SNX31: variants seen among roughly 807,000 people sequenced by gnomAD.
SNX31 encodes sorting nexin-31.
SNX31 carries 58 observed loss-of-function variants against 65.4 expected under a neutral mutation model. The ratio of observed to expected loss-of-function variants is 0.89; its 90% confidence interval spans 0.72 to 1.10. The LOEUF is 1.10. SNX31 is among the 50% of genes least tolerant of loss of function. The pLI is 0.00. For synonymous variants in SNX31, 181 were observed against 190.1 expected (o/e 0.95, Z 0.39); for missense variants, 523 against 529.7 (o/e 0.99, Z 0.12).
intron 8 of SNX31, among the ~76,000 whole-genome samples, chr8:100,603,509 C>T (rs1287454273): frequency 6.6e-6 from 1 of 151,142 alleles, no homozygotes; most frequent in African/African-American, 2.4e-5. Flanking sequence ...AATCTCGGCT[C>T]ACTGCAACCT....
chr8:100,647,674 T>G (rs1819730336), intron 2 of SNX31, among the ~76,000 whole-genome samples: 1 of 152,152 alleles, frequency 6.6e-6, no homozygotes, highest in African/African-American at 2.4e-5. Context: ...ATGAGAAAAT[T>G]GAAGATCAGA....
chr8:100,611,040 T>A (rs1007766086), intron 7 of SNX31, among the ~76,000 whole-genome samples: 1 of 152,190 alleles, frequency 6.6e-6, no homozygotes, highest in African/African-American at 2.4e-5. Context: ...TAATATTTTG[T>A]TCTCCACAGG....
At chr8:100,606,567 C>A (rs1226084101) in intron 8 of SNX31, among the ~76,000 whole-genome samples, 1 of 152,292 alleles carries the variant, frequency 6.6e-6, no homozygotes, top group East Asian at 1.9e-4. Flanking sequence ...ACAAAATCCA[C>A]CCATTGACCT....
intron 12 of SNX31, among the ~76,000 whole-genome samples, chr8:100,581,518 A>G (rs957200268): frequency 9.9e-5 from 15 of 151,920 alleles, no homozygotes; most frequent in African/African-American, 3.6e-4. Flanking sequence ...TTAACAATAC[A>G]TTTCTTTTTT....
chr8:100,581,329 C>CTATATCTA (rs1491502174), intron 12 of SNX31, among the ~76,000 whole-genome samples: 13 of 80,156 alleles, frequency 1.6e-4, no homozygotes, highest in African/African-American at 5.9e-4. Context: ...CTATATCTAT[C>CTATATCTA]TATCTATCTA....
chr8:100,624,956 TA>T (rs1426652103), intron 4 of SNX31, among the ~76,000 whole-genome samples: 4 of 151,946 alleles, frequency 2.6e-5, no homozygotes, highest in African/African-American at 9.7e-5. Context: ...CACGTGCCAC[TA>T]CCCCCATCTA....
intron 2 of SNX31, among the ~76,000 whole-genome samples, chr8:100,637,540 T>C (rs1188425111): frequency 6.6e-6 from 1 of 152,198 alleles, no homozygotes. Flanking sequence ...AAGAATCTCA[T>C]GACTTCTCTC....
intron 2 of SNX31, 65 bp from the exon 3 acceptor site, chr8:100,636,076 A>G (rs1818753881): frequency 8.1e-7 from 1 of 1,230,836 alleles, no homozygotes; most frequent in Non-Finnish European, 1.2e-6. Flanking sequence ...TGAGATTACT[A>G]AAGTCTCCTT....
At chr8:100,655,062 A>C (rs1213636305) in intron 1 of SNX31, among the ~76,000 whole-genome samples, 1 of 152,152 alleles carries the variant, frequency 6.6e-6, no homozygotes, top group Admixed American at 6.5e-5. Context: ...GCCAGTTACA[A>C]CAACCTTACT....
Position 100,614,652 on chromosome 8 carries a change from A to C in SNX31, c.433-1567T>G, listed in dbSNP as rs1286882116. On this transcript the variant is annotated intron_variant, in intron 5 of 13. Transcript: ENST00000311812. The surrounding 1 kb of genome is among the most constrained non-coding windows in gnomAD (Gnocchi z 5.1). ...CACTTTGGAAGGCTGAGGCGGGTTG[A>C]TCACCTAAGGTCAGGAGTTCAAAAC... Among the ~76,000 whole-genome samples, 1 of 152,100 alleles carries C rather than the reference A, an allele frequency of 6.6e-6. No individual in the cohort carries two copies. Among genetic ancestry groups the C allele is most frequent in the Non-Finnish European group, 1.5e-5 (1 of 68,010 alleles).
At chr8:100,639,171 G>A (rs1349811093) in intron 2 of SNX31, among the ~76,000 whole-genome samples, 4 of 152,176 alleles carry the variant, frequency 2.6e-5, no homozygotes, top group South Asian at 2.1e-4. Context: ...AGAACTTGAT[G>A]TTTTCTGAAC....
intron 1 of SNX31, chr8:100,657,611 T>C: frequency 2.2e-6 from 1 of 452,982 alleles, no homozygotes; most frequent in Non-Finnish European, 4.4e-6. Context: ...TGTGCTTGGA[T>C]GTGTGGGAAG....
In SNX31 at chr8:100,626,202, T is replaced by C. The variant is rs1238297405; in HGVS notation, c.321+4125A>G. On this transcript the variant is annotated intron_variant, in intron 4 of 13. Coordinates refer to ENST00000311812, the MANE Select transcript of SNX31 (RefSeq NM_152628.4). This position sits in a 1 kb window ranked among gnomAD's most constrained non-coding sequence, Gnocchi z 4.4. ...TATCTATTAACATTGTGCCGGATGA[T>C]ATGCTTTAAGGGTATCAGTTAATTT... Among the ~76,000 whole-genome samples, 2 of 152,148 alleles carry C rather than the reference T, an allele frequency of 1.3e-5. No individual in the cohort carries two copies. The highest frequency in any genetic ancestry group is 2.9e-5 in the Non-Finnish European group (2 of 68,010).
chr8:100,636,256 G>A (rs1563575190), intron 2 of SNX31, among the ~76,000 whole-genome samples: 2 of 152,208 alleles, frequency 1.3e-5, no homozygotes, highest in African/African-American at 4.8e-5. Flanking sequence ...GTTTGGTAGA[G>A]CTGAGATGTA....
At chr8:100,602,322 T>C (rs539482852) in intron 8 of SNX31, among the ~76,000 whole-genome samples, 25 of 152,118 alleles carry the variant, frequency 1.6e-4, no homozygotes, top group Non-Finnish European at 2.4e-4. Flanking sequence ...GAAAAGGACA[T>C]GGGATTTAGA....
In SNX31 at chr8:100,612,191, A is replaced by G; in HGVS notation, c.524-104T>C. The G allele has an allele frequency of 1.4e-6, 1 of 697,074 alleles. No individual in the cohort carries two copies. Among genetic ancestry groups the G allele is most frequent in the South Asian group, 1.9e-5 (1 of 53,814 alleles). 43.2% of individuals were successfully genotyped at this position (697,074 alleles called of 1,614,324 possible). A position where few individuals can be genotyped will look rare whatever the true frequency, so the allele number is the denominator to read the frequency against. ...TAAAACCTTATTATTGGAAATAATA[A>G]AATCACAGTAAGAATATCCTCTGTA... On this transcript the variant is annotated intron_variant, in intron 6 of 13. Coordinates refer to ENST00000311812, the MANE Select transcript of SNX31 (RefSeq NM_152628.4). This position sits in a 1 kb window ranked among gnomAD's most constrained non-coding sequence, Gnocchi z 4.3.
In SNX31 at chr8:100,573,808, G is replaced by A; in HGVS notation, c.*57C>T. 4 of 1,264,358 alleles carry A rather than the reference G, an allele frequency of 3.2e-6. No homozygotes were observed. The highest frequency in any genetic ancestry group is 4.4e-6 in the Non-Finnish European group (4 of 911,496). 78.3% of individuals were successfully genotyped at this position (1,264,358 alleles called of 1,614,324 possible). On this transcript the variant is annotated 3_prime_UTR_variant, in exon 14 of 14. Transcript: ENST00000311812. ...GTAGGTAGCCCACCTGAATCCCCAA[G>A]TTCTTTCACTGTCTTGAGATAGCCT... is the stretch of plus-strand genomic sequence containing the variant.
chr8:100,591,955 G>A (rs2130871420), intron 10 of SNX31, among the ~76,000 whole-genome samples: 1 of 152,264 alleles, frequency 6.6e-6, no homozygotes, highest in Non-Finnish European at 1.5e-5. Context: ...GCAACGTTTA[G>A]CATGCCACAA....
intron 8 of SNX31, among the ~76,000 whole-genome samples, chr8:100,605,070 T>A (rs1049471729): frequency 1.3e-5 from 2 of 152,152 alleles, no homozygotes; most frequent in Non-Finnish European, 2.9e-5. Context: ...AGCTAATTTT[T>A]GTATTTTTAG....
Sources: gnomAD v4.1 joint callset for allele counts (sites outside exome capture counted in the v4.1 genomes callset) on GRCh38, gnomAD v4.1.1 for gene constraint, Gnocchi (gnomAD v3.1) non-coding constraint, MANE v1.5 for transcripts, NCBI Gene and HGNC (gene_info 2026-07-23, HGNC 2026-07-21) for gene names.